Variants in TIPIN observed in about 807,000 individuals in gnomAD.
The protein encoded by TIPIN is TIMELESS interacting protein.
TIPIN carries 29 observed loss-of-function variants against 35.6 expected under a neutral mutation model. The ratio of observed to expected loss-of-function variants is 0.82; its 90% CI spans 0.61 to 1.11. The LOEUF (loss-of-function observed/expected upper bound fraction) is 1.11. TIPIN is among the 50% of genes most tolerant of loss of function. TIPIN has a pLI of 0.00. For synonymous variants in TIPIN, 102 were observed against 121.5 expected (o/e 0.84, Z 1.06); for missense variants, 296 against 345.4 (o/e 0.86, Z 1.13).
At chr15:66,343,611 T>C (rs1364516686) in intron 6 of TIPIN, among the ~76,000 whole-genome samples, 1 of 151,972 alleles carries the variant, frequency 6.6e-6, no homozygotes, top group African/African-American at 2.4e-5. Context: ...AAAACAAAAA[T>C]GTAGGAAGAA....
chr15:66,365,478 G>A (rs62011746), intron 1 of TIPIN, among the ~76,000 whole-genome samples: 2 of 152,166 alleles, frequency 1.3e-5, no homozygotes, highest in Non-Finnish European at 2.9e-5. Context: ...CACCCGTTTA[G>A]TATATAATCA....
chr15:66,358,369 C>G (rs1384042158), upstream of TIPIN, among the ~76,000 whole-genome samples: 5 of 151,676 alleles, frequency 3.3e-5, no homozygotes, highest in African/African-American at 4.8e-5. Flanking sequence ...ATTTGCCAAA[C>G]CTAGAAGATA....
intron 4 of TIPIN, among the ~76,000 whole-genome samples, chr15:66,349,696 T>C (rs1007355071): frequency 6.6e-6 from 1 of 152,016 alleles, no homozygotes; most frequent in African/African-American, 2.4e-5. Flanking sequence ...CTGGGAAACA[T>C]GGTGAGACCC....
intron 1 of TIPIN, among the ~76,000 whole-genome samples, chr15:66,353,372 C>T (rs997659343): frequency 6.6e-6 from 1 of 151,882 alleles, no homozygotes; most frequent in South Asian, 2.1e-4. Flanking sequence ...AATCCCAGCA[C>T]TTTGGGAGGC....
chr15:66,347,645 C>T (rs1252719676), intron 6 of TIPIN, among the ~76,000 whole-genome samples: 3 of 152,066 alleles, frequency 2.0e-5, no homozygotes, highest in African/African-American at 7.2e-5. Flanking sequence ...TGCAACGACG[C>T]AATCTCGGCT....
At chr15:66,349,551 A>G in intron 4 of TIPIN, 114 bp from the exon 5 acceptor site, 1 of 1,377,298 alleles carries the variant, frequency 7.3e-7, no homozygotes, top group Non-Finnish European at 9.8e-7. Flanking sequence ...TTTTATATTT[A>G]TAAGGTTGAA....
chr15:66,357,355 C>CA (rs1202159363), upstream of TIPIN, among the ~76,000 whole-genome samples: 6 of 152,104 alleles, frequency 3.9e-5, no homozygotes, highest in South Asian at 2.1e-4. Context: ...GCTTCGAACT[C>CA]AGAGTTTTAT....
intron 1 of TIPIN, chr15:66,379,489 C>T (rs891066836): frequency 1.6e-5 from 25 of 1,608,800 alleles, no homozygotes; most frequent in Non-Finnish European, 1.7e-6. Context: ...AAGATTAATT[C>T]ATCTTTCTGG....
At chr15:66,382,345 A>T (rs2093321479) in intron 1 of TIPIN, 1 of 985,068 alleles carries the variant, frequency 1.0e-6, no homozygotes, top group African/African-American at 1.7e-5. Flanking sequence ...TGAACCTAAG[A>T]TATAGAGGTC....
intron 1 of TIPIN, among the ~76,000 whole-genome samples, chr15:66,378,950 G>A (rs936020421): frequency 6.6e-5 from 10 of 152,100 alleles, no homozygotes; most frequent in African/African-American, 2.4e-4. Context: ...TAAGAAATGG[G>A]GGTCTCACTA....
At chr15:66,362,737 A>G (rs943181183) in intron 1 of TIPIN, among the ~76,000 whole-genome samples, 1 of 152,168 alleles carries the variant, frequency 6.6e-6, no homozygotes, top group Non-Finnish European at 1.5e-5. Context: ...AAATAAGTAA[A>G]TAAAAATAAA....
intron 1 of TIPIN, among the ~76,000 whole-genome samples, chr15:66,364,809 T>C (rs888620927): frequency 6.6e-6 from 1 of 151,290 alleles, no homozygotes; most frequent in African/African-American, 2.4e-5. Context: ...TCTACTAAAA[T>C]ACAAAAATTA....
chr15:66,385,194 G>C, intron 1 of TIPIN, among the ~76,000 whole-genome samples: 1 of 152,170 alleles, frequency 6.6e-6, no homozygotes, highest in East Asian at 1.9e-4. Context: ...CTAAGACTTT[G>C]TGTAGGACTG....
chr15:66,363,705 G>A (rs1167295781), intron 1 of TIPIN, among the ~76,000 whole-genome samples: 1 of 149,894 alleles, frequency 6.7e-6, no homozygotes, highest in Non-Finnish European at 1.5e-5. Flanking sequence ...GAGCACCGCT[G>A]GGTGCGGTGG....
rs575839436 is a variant in TIPIN, at chr15:66,362,251, C to T, written c.-8-9296G>A. ...CCAGGAGGCAGAAGTTGCAGTGAGCCGAGATTGCGTCACTGCATTCGAGCC... is the reference window on the plus strand; with the variant it reads ...CCAGGAGGCAGAAGTTGCAGTGAGCTGAGATTGCGTCACTGCATTCGAGCC... On this transcript the variant is annotated intron_variant, in intron 1 of 7. Transcript: ENST00000562124. Among the ~76,000 whole-genome samples the T allele has an allele frequency of 1.4e-3, 216 of 151,230 alleles. 1 individual carries two copies. Among genetic ancestry groups the T allele is most frequent in the African/African-American group, 5.2e-3 (215 of 41,160 alleles).
chr15:66,360,103 A>G (rs916229002), upstream of TIPIN, among the ~76,000 whole-genome samples: 61 of 152,110 alleles, frequency 4.0e-4, no homozygotes, highest in Non-Finnish European at 1.2e-4. Context: ...AAAGAGGAGT[A>G]AAAAACCATA....
At chr15:66,358,842 G>C (rs2093218425), upstream of TIPIN, among the ~76,000 whole-genome samples, 1 of 152,114 alleles carries the variant, frequency 6.6e-6, no homozygotes, top group East Asian at 1.9e-4. Context: ...TCAGGAATTC[G>C]AGACCAGCCT....
intron 1 of TIPIN, among the ~76,000 whole-genome samples, chr15:66,356,371 G>GT (rs2093204104): frequency 6.6e-6 from 1 of 152,126 alleles, no homozygotes; most frequent in African/African-American, 2.4e-5. Flanking sequence ...GAAGCCTGGG[G>GT]TAAAGATGAT....
intron 1 of TIPIN, among the ~76,000 whole-genome samples, chr15:66,367,268 CTATAGA>C (rs2093259959): frequency 6.9e-6 from 1 of 145,058 alleles, no homozygotes; most frequent in African/African-American, 2.5e-5. Flanking sequence ...ATATCTATAT[CTATAGA>C]TATATATCTG....
Sources: gnomAD v4.1 joint callset for allele counts (sites outside exome capture counted in the v4.1 genomes callset) on GRCh38, gnomAD v4.1.1 for gene constraint, MANE v1.5 for transcripts, NCBI Gene and HGNC (gene_info 2026-07-23, HGNC 2026-07-21) for gene names.